The following TAFA4 variants were observed in gnomAD, a reference collection of about 807,000 sequenced individuals.
TAFA4 encodes the protein TAFA chemokine like family member 4.
Under a neutral mutation model 21.1 loss-of-function variants are expected in TAFA4, and 20 were observed. The ratio of observed to expected loss-of-function variants is 0.95; its 90% CI spans 0.67 to 1.38. The LOEUF (loss-of-function observed/expected upper bound fraction) is 1.38. TAFA4 is among the 40% of genes most tolerant of loss of function. The pLI, the probability that TAFA4 is intolerant of heterozygous loss-of-function variation, is 0.00. For missense variants in TAFA4, 211 were observed against 180.9 expected (o/e 1.17, Z -0.95); for synonymous variants, 71 against 67.4 (o/e 1.05, Z -0.26).
chr3:68,749,907 G>T (rs1237568876), intron 4 of TAFA4, among the ~76,000 whole-genome samples: 1 of 152,126 alleles, frequency 6.6e-6, no homozygotes, highest in Non-Finnish European at 1.5e-5. Context: ...AGCCACACTG[G>T]ACATATATAT....
intron 3 of TAFA4, among the ~76,000 whole-genome samples, chr3:68,830,835 A>G (rs1470247605): frequency 6.6e-6 from 1 of 152,170 alleles, no homozygotes; most frequent in Non-Finnish European, 1.5e-5. Flanking sequence ...GTCTCTTTGT[A>G]GGTCTCTAAG....
intron 3 of TAFA4, among the ~76,000 whole-genome samples, chr3:68,830,664 G>A (rs549337518): frequency 7.2e-4 from 110 of 152,286 alleles, no homozygotes; most frequent in African/African-American, 2.2e-3. Flanking sequence ...TGTATATTCC[G>A]TTGATTTGGG....
At chr3:68,871,268 G>A (rs1234351912) in intron 3 of TAFA4, among the ~76,000 whole-genome samples, 1 of 151,984 alleles carries the variant, frequency 6.6e-6, no homozygotes, top group Non-Finnish European at 1.5e-5. Context: ...AATGTTTATT[G>A]CAGCACTATT....
intron 3 of TAFA4, among the ~76,000 whole-genome samples, chr3:68,812,410 G>C (rs1703863038): frequency 6.6e-6 from 1 of 152,146 alleles, no homozygotes; most frequent in African/African-American, 2.4e-5. Flanking sequence ...ACCCATCAGT[G>C]TGCTGTATTC....
At chr3:68,930,431 A>G (rs1193541664) in intron 1 of TAFA4, among the ~76,000 whole-genome samples, 2 of 152,196 alleles carry the variant, frequency 1.3e-5, no homozygotes, top group African/African-American at 4.8e-5. Flanking sequence ...AAAGTGGCCA[A>G]GTCAAATTGT....
rs1390921578 is a variant in TAFA4, at chr3:68,932,487, TG to T, written c.-371del. 3 of 152,262 alleles carry T rather than the reference TG, an allele frequency of 2.0e-5. No individual in the cohort carries two copies. Among genetic ancestry groups the T allele is most frequent in the Non-Finnish European group, 4.4e-5 (3 of 68,100 alleles). 9.4% of individuals were successfully genotyped at this position (152,262 alleles called of 1,614,324 possible). ...CAGCTGAGGCAGGACTCCCGATGTT[TG>T]CCCGCAGCCGCGCGCGCAGTCGGTG... On this transcript the variant is annotated 5_prime_UTR_variant, in exon 1 of 6. Transcript: ENST00000295569.
chr3:68,764,719 C>G (rs1357395377), intron 3 of TAFA4, among the ~76,000 whole-genome samples: 4 of 152,134 alleles, frequency 2.6e-5, no homozygotes, highest in African/African-American at 9.7e-5. Context: ...TTACTATTGC[C>G]TAGTGCTTGT....
chr3:68,915,280 C>T (rs1327610160), intron 1 of TAFA4, among the ~76,000 whole-genome samples: 2 of 152,194 alleles, frequency 1.3e-5, no homozygotes, highest in African/African-American at 4.8e-5. Flanking sequence ...AACACTATTA[C>T]AAGATCTTTG....
At chr3:68,855,002 G>A (rs1350064297) in intron 3 of TAFA4, among the ~76,000 whole-genome samples, 1 of 152,064 alleles carries the variant, frequency 6.6e-6, no homozygotes, top group Non-Finnish European at 1.5e-5. Context: ...ACCCATAGCA[G>A]AGTAAAAATC....
intron 3 of TAFA4, among the ~76,000 whole-genome samples, chr3:68,796,965 C>CA (rs1256197333): frequency 1.3e-5 from 2 of 151,654 alleles, no homozygotes; most frequent in Non-Finnish European, 1.5e-5. Context: ...TGACTACTAT[C>CA]AAAAAAAAGT....
chr3:68,920,639 ATTTTTTTTTT>A (rs367598663), intron 1 of TAFA4, among the ~76,000 whole-genome samples: 2 of 130,236 alleles, frequency 1.5e-5, no homozygotes, highest in South Asian at 2.5e-4. Flanking sequence ...TTTTTCTCTA[ATTTTTTTTTT>A]TTTTTTTTTT....
At chr3:68,801,013 G>T (rs1175955277) in intron 3 of TAFA4, among the ~76,000 whole-genome samples, 3 of 152,146 alleles carry the variant, frequency 2.0e-5, no homozygotes, top group African/African-American at 7.2e-5. Context: ...GCTTTCAAGT[G>T]TTGAATGGCC....
intron 3 of TAFA4, among the ~76,000 whole-genome samples, chr3:68,877,080 C>G (rs940148141): frequency 6.6e-6 from 1 of 152,012 alleles, no homozygotes; most frequent in African/African-American, 2.4e-5. Flanking sequence ...TGTCTCGGGC[C>G]GGGCGCAGTG....
At chr3:68,866,757 T>C (rs1277299156) in intron 3 of TAFA4, among the ~76,000 whole-genome samples, 1 of 148,234 alleles carries the variant, frequency 6.7e-6, no homozygotes, top group Non-Finnish European at 1.5e-5. Context: ...ATCCTGGAAC[T>C]GAGAAATTCA....
At chr3:68,781,811 A>G (rs1012626830) in intron 3 of TAFA4, among the ~76,000 whole-genome samples, 6 of 152,202 alleles carry the variant, frequency 3.9e-5, no homozygotes, top group Non-Finnish European at 7.3e-5. Flanking sequence ...AAAAATAAAG[A>G]AAATTACAGA....
In TAFA4 at chr3:68,892,927, G is replaced by A. The variant is rs76384753; in HGVS notation, c.-122-7617C>T. Among the ~76,000 whole-genome samples the A allele has an allele frequency of 2.1e-3, 318 of 152,258 alleles. 3 individuals are homozygous for A. In the East Asian group the frequency reaches 0.044, roughly 21 times the overall value. ...TGGCAAGTTACATAAAATAAAATGC[G>A]CTCACCAAAATCAGCAGCACCCAGC... On this transcript the variant is annotated intron_variant, in intron 1 of 5. Transcript: ENST00000295569.
chr3:68,773,620 ACT>A (rs1243959630), intron 3 of TAFA4, among the ~76,000 whole-genome samples: 1 of 152,106 alleles, frequency 6.6e-6, no homozygotes, highest in East Asian at 1.9e-4. Flanking sequence ...GATATGACTC[ACT>A]GAGTCACCTC....
At chr3:68,820,720 A>C (rs1704095143) in intron 3 of TAFA4, among the ~76,000 whole-genome samples, 1 of 152,152 alleles carries the variant, frequency 6.6e-6, no homozygotes, top group African/African-American at 2.4e-5. Context: ...CTCATCACAA[A>C]AAAATGGTAA....
intron 1 of TAFA4, among the ~76,000 whole-genome samples, chr3:68,910,969 A>T (rs2089956228): frequency 6.6e-6 from 1 of 152,244 alleles, no homozygotes; most frequent in Admixed American, 6.5e-5. Context: ...CATGTAAAAA[A>T]GATATGATAG....
Sources: allele counts gnomAD v4.1 joint callset (sites outside exome capture counted in the v4.1 genomes callset), GRCh38; gene constraint gnomAD v4.1.1; transcripts MANE v1.5; gene names NCBI Gene and HGNC (gene_info 2026-07-23, HGNC 2026-07-21).